Variants in KCNN2 observed in about 807,000 individuals in gnomAD.
KCNN2 encodes the protein small conductance calcium-activated potassium channel protein 2.
Under a neutral mutation model 55.5 loss-of-function variants are expected in KCNN2, and 24 were observed. The observed-to-expected ratio is 0.43, with a 90% confidence interval of 0.31 to 0.61. The LOEUF (loss-of-function observed/expected upper bound fraction) is 0.61. KCNN2 is among the 20% of genes least tolerant of loss of function. The pLI is 0.08. For missense variants in KCNN2, 754 were observed against 853.6 expected (o/e 0.88, Z 1.45); for synonymous variants, 431 against 336.1 (o/e 1.28, Z -3.09).
intron 1 of KCNN2, among the ~76,000 whole-genome samples, chr5:114,074,537 T>A (rs933862775): frequency 6.6e-6 from 1 of 152,144 alleles, no homozygotes; most frequent in Non-Finnish European, 1.5e-5. Context: ...TCATTTCAGA[T>A]TTATTCAGGA....
intron 4 of KCNN2, among the ~76,000 whole-genome samples, chr5:114,463,405 T>C (rs1761298440): frequency 6.6e-6 from 1 of 152,248 alleles, no homozygotes; most frequent in South Asian, 2.1e-4. Flanking sequence ...AGCTGTTTGA[T>C]TGCCCCTTGT....
At chr5:114,162,844 G>T (rs1029840105) in intron 1 of KCNN2, among the ~76,000 whole-genome samples, 1 of 152,148 alleles carries the variant, frequency 6.6e-6, no homozygotes, top group African/African-American at 2.4e-5. Context: ...TGTTAAGTCG[G>T]TTGGAAAAGC....
chr5:114,287,064 A>C (rs1450799606), intron 2 of KCNN2, among the ~76,000 whole-genome samples: 1 of 152,240 alleles, frequency 6.6e-6, no homozygotes, highest in Non-Finnish European at 1.5e-5. Context: ...CAGAATCGTC[A>C]GCCAGTCAGT....
intron 2 of KCNN2, among the ~76,000 whole-genome samples, chr5:114,376,801 G>A (rs959737451): frequency 6.6e-6 from 1 of 152,142 alleles, no homozygotes; most frequent in Non-Finnish European, 1.5e-5. Flanking sequence ...TCATCTCATT[G>A]GCCAGCCATG....
intron 4 of KCNN2, 102 bp downstream of exon 4, chr5:114,463,292 A>G: frequency 4.6e-6 from 4 of 865,018 alleles, no homozygotes. Context: ...TTCTTTTCCC[A>G]TCAGCAGGAA....
intron 2 of KCNN2, among the ~76,000 whole-genome samples, chr5:114,271,497 C>T (rs574111003): frequency 6.6e-6 from 1 of 151,988 alleles, no homozygotes; most frequent in East Asian, 1.9e-4. Flanking sequence ...CAGAAAAGCA[C>T]AAAGAAGAAA....
intron 2 of KCNN2, among the ~76,000 whole-genome samples, chr5:114,232,561 T>C (rs1015337988): frequency 4.6e-5 from 7 of 151,184 alleles, no homozygotes; most frequent in Non-Finnish European, 1.0e-4. Context: ...TCCACGATAA[T>C]GAGTACTTCG....
intron 2 of KCNN2, among the ~76,000 whole-genome samples, chr5:114,286,493 G>C (rs868185928): frequency 1.3e-5 from 2 of 152,172 alleles, no homozygotes; most frequent in Non-Finnish European, 2.9e-5. Flanking sequence ...TTAAAAAAAA[G>C]AGGGGCAAGT....
intron 3 of KCNN2, among the ~76,000 whole-genome samples, chr5:114,419,571 C>G (rs915178566): frequency 1.8e-4 from 27 of 152,196 alleles, no homozygotes; most frequent in Admixed American, 5.2e-4. Context: ...ACTTTTGGTA[C>G]CAATGATCAA....
At chr5:114,331,113 T>G (rs528930698) in intron 2 of KCNN2, among the ~76,000 whole-genome samples, 209 of 152,262 alleles carry the variant, frequency 1.4e-3, no homozygotes, top group African/African-American at 4.8e-3. Context: ...TTGCGATGGT[T>G]GAGGGAAGAG....
intron 2 of KCNN2, among the ~76,000 whole-genome samples, chr5:114,259,085 T>C (rs1343345811): frequency 6.6e-6 from 1 of 152,216 alleles, no homozygotes; most frequent in Non-Finnish European, 1.5e-5. Context: ...GTGATAGAAC[T>C]ATATTCCTCC....
intron 2 of KCNN2, among the ~76,000 whole-genome samples, chr5:114,372,737 A>T (rs1180493324): frequency 7.9e-5 from 12 of 152,086 alleles, no homozygotes; most frequent in Admixed American, 7.9e-4. Flanking sequence ...AAGTATATGG[A>T]CATGCTATTT....
At position 114,374,558 on chromosome 5, in the gene KCNN2, A is replaced by G. The variant is rs140256506; in HGVS notation, c.1218+10557A>G. ...AAGAATTTCTGTGTGTAAATATGAC[A>G]AGTAACATCTCGAAATATTCTGGGT... On this transcript the variant is annotated intron_variant, in intron 2 of 7. Coordinates refer to ENST00000673685, the MANE Select transcript of KCNN2 (RefSeq NM_021614.4). 7.9e-5 allele frequency among the ~76,000 whole-genome samples: 12 copies of G among 152,292 alleles called. No individual in the cohort carries two copies. The East Asian group carries it at 9.6e-4, about 12-fold the overall frequency.
At chr5:114,115,609 CT>C (rs1226777825) in intron 1 of KCNN2, among the ~76,000 whole-genome samples, 1 of 151,964 alleles carries the variant, frequency 6.6e-6, no homozygotes, top group East Asian at 1.9e-4. Context: ...AGATTTGACA[CT>C]TTGTTTGAAT....
At chr5:114,261,370 A>G (rs1349654231) in intron 2 of KCNN2, among the ~76,000 whole-genome samples, 1 of 152,160 alleles carries the variant, frequency 6.6e-6, no homozygotes, top group Non-Finnish European at 1.5e-5. Context: ...TGAAGACCTC[A>G]GCTTTGCCCT....
At chr5:114,487,200 A>G (rs760313268) in intron 6 of KCNN2, 23 bp downstream of exon 6, 2 of 1,609,338 alleles carry the variant, frequency 1.2e-6, no homozygotes, top group East Asian at 4.5e-5. Context: ...TTTCATTTTT[A>G]TCCTGTTGTT....
intron 1 of KCNN2, among the ~76,000 whole-genome samples, chr5:114,180,829 A>AT (rs1440319774): frequency 6.6e-6 from 1 of 152,126 alleles, no homozygotes; most frequent in African/African-American, 2.4e-5. Flanking sequence ...CACTGATCTG[A>AT]TTTTGTCTTA....
chr5:114,460,598 A>T (rs2150112790), intron 3 of KCNN2, among the ~76,000 whole-genome samples: 1 of 152,264 alleles, frequency 6.6e-6, no homozygotes, highest in South Asian at 2.1e-4. Context: ...GCAGTGAAAA[A>T]ACAACTTGAA....
chr5:114,173,434 TTGTTTGTG>T (rs770460831), intron 1 of KCNN2, among the ~76,000 whole-genome samples: 48 of 108,706 alleles, frequency 4.4e-4, no homozygotes, highest in African/African-American at 5.4e-4. Flanking sequence ...TGTTTTTGTT[TTGTTTGTG>T]TGTGTGTGTG....
Sources: gnomAD v4.1 joint callset for allele counts (sites outside exome capture counted in the v4.1 genomes callset) on GRCh38, gnomAD v4.1.1 for gene constraint, MANE v1.5 for transcripts, NCBI Gene and HGNC (gene_info 2026-07-23, HGNC 2026-07-21) for gene names.